Variants in PARG observed in about 807,000 individuals in gnomAD.
PARG encodes the protein mitochondrial poly(ADP-ribose) glycohydrolase.
In PARG, 35 loss-of-function variants were observed where a neutral mutation model predicts 113.0. The observed-to-expected ratio is 0.31, with a 90% confidence interval of 0.24 to 0.41. The LOEUF (loss-of-function observed/expected upper bound fraction) is 0.41, where lower values mean the gene tolerates loss of function less well. PARG is among the 10% of genes least tolerant of loss of function. The probability of loss-of-function intolerance (pLI) is 1.00; values close to 1 mark genes in which losing one functional copy is unlikely to be tolerated. For synonymous variants in PARG, 330 were observed against 409.9 expected, an observed-to-expected ratio of 0.81 and a Z score of 2.36; for missense variants, 797 against 1,169.4, an observed-to-expected ratio of 0.68 and a Z score of 4.64.
At chr10:49,849,126 C>G (rs1328506267) in intron 13 of PARG, among the ~76,000 whole-genome samples, 1 of 151,686 alleles carries the variant, frequency 6.6e-6, no homozygotes, top group Non-Finnish European at 1.5e-5. Context: ...ACCTGGGAGG[C>G]AGAGGTTGCG....
chr10:49,842,112 A>G, intron 14 of PARG, 54 bp from the exon 15 acceptor site: 1 of 1,258,006 alleles, frequency 7.9e-7, no homozygotes, highest in South Asian at 1.3e-5. Context: ...TCGCTCAAAT[A>G]AAATCCTCTC....
At chr10:49,840,593 T>C (rs1397327056) in intron 15 of PARG, among the ~76,000 whole-genome samples, 4 of 152,142 alleles carry the variant, frequency 2.6e-5, no homozygotes, top group Admixed American at 6.5e-5. Context: ...CTTTAAAAAA[T>C]AGTGCATTAT....
intron 13 of PARG, among the ~76,000 whole-genome samples, chr10:49,845,501 C>A (rs1845463594): frequency 6.6e-6 from 1 of 152,176 alleles, no homozygotes; most frequent in Non-Finnish European, 1.5e-5. Flanking sequence ...AGTGGCAGTG[C>A]ACAGAATGAA....
intron 15 of PARG, among the ~76,000 whole-genome samples, chr10:49,841,316 AAAG>A (rs1845226648): frequency 6.6e-6 from 1 of 152,208 alleles, no homozygotes; most frequent in Non-Finnish European, 1.5e-5. Context: ...GAGGAACTAA[AAAG>A]AAAATCTCTG....
chr10:49,829,210 T>C (rs1564595605), intron 16 of PARG, among the ~76,000 whole-genome samples: 1 of 152,188 alleles, frequency 6.6e-6, no homozygotes, highest in East Asian at 1.9e-4. Context: ...CATTCCAGCC[T>C]GGGCGACAGT....
intron 10 of PARG, among the ~76,000 whole-genome samples, chr10:49,868,943 C>T (rs1294711088): frequency 6.6e-6 from 1 of 152,032 alleles, no homozygotes; most frequent in East Asian, 1.9e-4. Flanking sequence ...ATTTGTTGGA[C>T]ATTTACTATT....
At chr10:49,829,960 T>C (rs562709898) in intron 16 of PARG, among the ~76,000 whole-genome samples, 6 of 152,182 alleles carry the variant, frequency 3.9e-5, no homozygotes, top group Non-Finnish European at 5.9e-5. Context: ...CAATTCCCCA[T>C]TGAAGGACTT....
chr10:49,927,974 A>G (rs1838292583), intron 4 of PARG, among the ~76,000 whole-genome samples: 1 of 151,750 alleles, frequency 6.6e-6, no homozygotes, highest in Admixed American at 6.6e-5. Flanking sequence ...TTTAAAAAAA[A>G]AAAAAAAAAG....
intron 7 of PARG, among the ~76,000 whole-genome samples, chr10:49,892,510 C>T (rs1424865109): frequency 6.6e-6 from 1 of 152,122 alleles, no homozygotes; most frequent in Non-Finnish European, 1.5e-5. Flanking sequence ...AAATGCTACA[C>T]AGTATTCCAA....
intron 7 of PARG, among the ~76,000 whole-genome samples, chr10:49,892,099 A>G (rs1190529930): frequency 6.6e-6 from 1 of 152,072 alleles, no homozygotes; most frequent in Non-Finnish European, 1.5e-5. Context: ...AACATAACCA[A>G]TATTTATACC....
chr10:49,832,410 G>A (rs1476256350), intron 16 of PARG, among the ~76,000 whole-genome samples: 1 of 152,204 alleles, frequency 6.6e-6, no homozygotes, highest in Non-Finnish European at 1.5e-5. Flanking sequence ...GCCTACCACT[G>A]TGCCTAGAAA....
chr10:49,890,766 T>C (rs1847735718), intron 7 of PARG, among the ~76,000 whole-genome samples: 1 of 152,206 alleles, frequency 6.6e-6, no homozygotes, highest in Non-Finnish European at 1.5e-5. Context: ...AAAAGAGATA[T>C]TTACTTATTT....
At chr10:49,856,808 G>A (rs1425327992) in intron 13 of PARG, among the ~76,000 whole-genome samples, 1 of 151,826 alleles carries the variant, frequency 6.6e-6, no homozygotes, top group African/African-American at 2.4e-5. Flanking sequence ...TCAGGAGTTC[G>A]AGACCAGCCT....
intron 7 of PARG, among the ~76,000 whole-genome samples, chr10:49,902,783 G>A (rs1848402241): frequency 6.6e-6 from 1 of 152,112 alleles, no homozygotes; most frequent in African/African-American, 2.4e-5. Context: ...TTAAGGGCAA[G>A]TGTTTAAGAC....
chr10:49,920,495 T>C (rs57852341), intron 6 of PARG, among the ~76,000 whole-genome samples: 1,591 of 89,286 alleles, frequency 0.018, 53 homozygotes, highest in African/African-American at 0.063. Flanking sequence ...TATATATATA[T>C]ATACACACAC....
rs187139108 is a variant in PARG, at chr10:49,870,426, T to C, written c.1989-871A>G. On this transcript the variant is annotated intron_variant, in intron 9 of 17. Coordinates refer to ENST00000616448, the MANE Select transcript of PARG (RefSeq NM_003631.5). ...CACCCAGTTCTATGGTATTTTATTA[T>C]GGCAGCCCAAGCTGACTAATAGAGA... 6.7e-3 allele frequency among the ~76,000 whole-genome samples: 1,016 copies of C among 152,056 alleles called. 7 individuals are homozygous for C. The highest frequency in any genetic ancestry group is 0.011 in the Non-Finnish European group (770 of 67,994).
At chr10:49,856,813 C>T (rs1171633416) in intron 13 of PARG, among the ~76,000 whole-genome samples, 1 of 151,856 alleles carries the variant, frequency 6.6e-6, no homozygotes, top group Non-Finnish European at 1.5e-5. Context: ...AGTTCGAGAC[C>T]AGCCTGACCA....
In PARG at chr10:49,843,146, T is replaced by C. The variant is rs539124483; in HGVS notation, c.2432+408A>G. Among the ~76,000 whole-genome samples the C allele has an allele frequency of 3.3e-3, 510 of 152,320 alleles. 2 individuals are homozygous for C. Among genetic ancestry groups the C allele is most frequent in the African/African-American group, 0.012 (484 of 41,584 alleles). On this transcript the variant is annotated intron_variant, in intron 14 of 17. Transcript: ENST00000616448. ...CTGGTTTGTGGCATTAGGTCAACTGTCGCAACATAGGTTTCCTCCACCTAA... is the reference window on the plus strand; with the variant it reads ...CTGGTTTGTGGCATTAGGTCAACTGCCGCAACATAGGTTTCCTCCACCTAA...
At chr10:49,920,497 TACACAC>T (rs1201395602) in intron 6 of PARG, among the ~76,000 whole-genome samples, 1 of 63,720 alleles carries the variant, frequency 1.6e-5, no homozygotes, top group African/African-American at 5.8e-5. Context: ...TATATATATA[TACACAC>T]ACACACACAT....
Sources: allele counts gnomAD v4.1 joint callset (sites outside exome capture counted in the v4.1 genomes callset), GRCh38; gene constraint gnomAD v4.1.1; transcripts MANE v1.5; gene names NCBI Gene and HGNC (gene_info 2026-07-23, HGNC 2026-07-21).